NKAIN3: variants seen among roughly 807,000 people sequenced by gnomAD.
NKAIN3 encodes sodium/potassium-transporting ATPase subunit beta-1-interacting protein 3.
In NKAIN3, 25 loss-of-function variants were observed where a neutral mutation model predicts 30.2. The ratio of observed to expected loss-of-function variants is 0.83; its 90% confidence interval spans 0.60 to 1.16. NKAIN3 has a LOEUF of 1.16. Ranked by LOEUF, NKAIN3 falls within the 50% of genes most tolerant of loss-of-function variation. NKAIN3 has a pLI of 0.00. For synonymous variants in NKAIN3, 91 were observed against 89.6 expected (o/e 1.02, Z -0.09); for missense variants, 225 against 254.1 (o/e 0.89, Z 0.78).
intron 1 of NKAIN3, among the ~76,000 whole-genome samples, chr8:62,394,409 T>C (rs1585756939): frequency 6.6e-6 from 1 of 152,218 alleles, no homozygotes; most frequent in Admixed American, 6.5e-5. Flanking sequence ...TTAAACCAAC[T>C]GTGTATACAT....
chr8:62,382,052 G>T (rs1817295923), intron 1 of NKAIN3, among the ~76,000 whole-genome samples: 1 of 152,058 alleles, frequency 6.6e-6, no homozygotes, highest in African/African-American at 2.4e-5. Flanking sequence ...GCAACCCAGG[G>T]ATTAGGGAAA....
chr8:62,599,979 A>C (rs954879082), intron 3 of NKAIN3, among the ~76,000 whole-genome samples: 1 of 152,048 alleles, frequency 6.6e-6, no homozygotes, highest in Non-Finnish European at 1.5e-5. Context: ...TTGGAATTAA[A>C]TATGAAAACC....
Position 62,249,068 on chromosome 8 carries a change from G to A in NKAIN3, c.-6G>A, listed in dbSNP as rs766704738. The A allele has an allele frequency of 7.8e-6, 12 of 1,535,522 alleles. No individual in the cohort carries two copies. Among genetic ancestry groups the A allele is most frequent in the South Asian group, 2.4e-5 (2 of 83,530 alleles). ...CAGTCAGCGCCGCTCGGACGCCGCC[G>A]GCACCATGGGCTGCTGCACCGGACG... On this transcript the variant is annotated 5_prime_UTR_variant, in exon 1 of 7. Transcript: ENST00000623646.
At chr8:62,360,784 C>T (rs556727037) in intron 1 of NKAIN3, among the ~76,000 whole-genome samples, 9 of 152,112 alleles carry the variant, frequency 5.9e-5, no homozygotes, top group Non-Finnish European at 1.0e-4. Context: ...TAAGAACTTG[C>T]TTTATGAATC....
chr8:62,515,224 TA>T (rs1406896064), intron 1 of NKAIN3, among the ~76,000 whole-genome samples: 5 of 152,206 alleles, frequency 3.3e-5, no homozygotes, highest in Admixed American at 1.3e-4. Flanking sequence ...TCAACACTTT[TA>T]AAACTATTCA....
At chr8:62,878,509 T>A (rs976880865) in intron 4 of NKAIN3, among the ~76,000 whole-genome samples, 8 of 151,010 alleles carry the variant, frequency 5.3e-5, no homozygotes, top group African/African-American at 1.7e-4. Flanking sequence ...TTGTTGTGTT[T>A]TTATTATTAT....
chr8:62,715,432 C>T (rs990444395), intron 3 of NKAIN3, among the ~76,000 whole-genome samples: 3 of 152,100 alleles, frequency 2.0e-5, no homozygotes, highest in Non-Finnish European at 4.4e-5. Context: ...CTTATTGACC[C>T]TAAATATATT....
At chr8:62,459,260 G>A (rs1805914834) in intron 1 of NKAIN3, among the ~76,000 whole-genome samples, 1 of 152,128 alleles carries the variant, frequency 6.6e-6, no homozygotes, top group South Asian at 2.1e-4. Flanking sequence ...GGAGATCGAG[G>A]ACATTCCCAG....
chr8:62,502,117 C>G (rs1208046747), intron 1 of NKAIN3, among the ~76,000 whole-genome samples: 1 of 152,118 alleles, frequency 6.6e-6, no homozygotes, highest in Non-Finnish European at 1.5e-5. Context: ...ATATAATTTG[C>G]CAAGACAATG....
chr8:62,865,988 A>T (rs925652289), intron 4 of NKAIN3, among the ~76,000 whole-genome samples: 1 of 152,182 alleles, frequency 6.6e-6, no homozygotes, highest in African/African-American at 2.4e-5. Flanking sequence ...GGGTTGTAAG[A>T]TATCATTCTC....
At chr8:62,541,235 A>G (rs1231868690) in intron 1 of NKAIN3, among the ~76,000 whole-genome samples, 1 of 152,070 alleles carries the variant, frequency 6.6e-6, no homozygotes, top group Non-Finnish European at 1.5e-5. Flanking sequence ...GAGAACTGCT[A>G]GAACCTGGGA....
At chr8:62,629,458 A>G (rs1299308162) in intron 3 of NKAIN3, among the ~76,000 whole-genome samples, 1 of 152,138 alleles carries the variant, frequency 6.6e-6, no homozygotes, top group Non-Finnish European at 1.5e-5. Context: ...ACAATGAACA[A>G]TGCTCTTGCC....
At chr8:62,304,306 C>G (rs1814152849) in intron 1 of NKAIN3, among the ~76,000 whole-genome samples, 1 of 150,230 alleles carries the variant, frequency 6.7e-6, no homozygotes, top group South Asian at 2.1e-4. Context: ...TTGTGGAGCT[C>G]CAATTCACTT....
At chr8:62,461,211 C>T (rs915371732) in intron 1 of NKAIN3, among the ~76,000 whole-genome samples, 3 of 152,212 alleles carry the variant, frequency 2.0e-5, no homozygotes, top group African/African-American at 7.2e-5. Flanking sequence ...GAATAGATGA[C>T]CACTGAGTTA....
chr8:62,277,622 TAA>T (rs1436473207), intron 1 of NKAIN3, among the ~76,000 whole-genome samples: 1 of 152,076 alleles, frequency 6.6e-6, no homozygotes, highest in Non-Finnish European at 1.5e-5. Context: ...TCACTTAAGC[TAA>T]GTTATTTTTC....
At chr8:62,259,396 G>C (rs932588503) in intron 1 of NKAIN3, among the ~76,000 whole-genome samples, 1 of 152,090 alleles carries the variant, frequency 6.6e-6, no homozygotes, top group Non-Finnish European at 1.5e-5. Flanking sequence ...ATTTGGTATA[G>C]CTTCTTTCTT....
chr8:62,890,074 G>A (rs1821258507), intron 4 of NKAIN3, among the ~76,000 whole-genome samples: 1 of 152,122 alleles, frequency 6.6e-6, no homozygotes, highest in African/African-American at 2.4e-5. Context: ...TCTTGAACAT[G>A]TTCTTTAGTT....
rs1175006847 is a variant in NKAIN3 at position 62,802,832 on chromosome 8, G to A, written c.471+55703G>A. On this transcript the variant is annotated intron_variant, in intron 4 of 6. Transcript: ENST00000623646. ...GACACACACTGGCAAACTGGATAAA[G>A]AGTCAAGACCCATCAGTGTGCTGTA... Among the ~76,000 whole-genome samples the A allele has an allele frequency of 4.6e-5, 7 of 152,288 alleles. No homozygotes were observed. In the East Asian group the frequency reaches 1.4e-3, roughly 29 times the overall value.
At chr8:62,567,342 T>C (rs1338324360) in intron 1 of NKAIN3, among the ~76,000 whole-genome samples, 1 of 152,078 alleles carries the variant, frequency 6.6e-6, no homozygotes, top group Non-Finnish European at 1.5e-5. Context: ...GCAGGCAGGG[T>C]ACCATTAACA....
Sources: gnomAD v4.1 joint callset for allele counts (sites outside exome capture counted in the v4.1 genomes callset) on GRCh38, gnomAD v4.1.1 for gene constraint, MANE v1.5 for transcripts, NCBI Gene and HGNC (gene_info 2026-07-23, HGNC 2026-07-21) for gene names.